Variants in FAM110B observed in about 807,000 individuals in gnomAD.
FAM110B encodes family with sequence similarity 110 member B.
A neutral mutation model predicts 20.4 loss-of-function variants in FAM110B; 6 were observed. The ratio of observed to expected loss-of-function variants is 0.29; its 90% CI spans 0.16 to 0.58. The LOEUF is 0.58. Among genes scored for constraint, FAM110B ranks in the 20% least tolerant of loss-of-function variants. FAM110B has a pLI of 0.90. For synonymous variants in FAM110B, 226 were observed against 214.1 expected, an observed-to-expected ratio of 1.06 and a Z score of -0.49; for missense variants, 434 against 498.2, an observed-to-expected ratio of 0.87 and a Z score of 1.23.
intron 1 of FAM110B, among the ~76,000 whole-genome samples, chr8:58,007,960 G>A (rs1218264125): frequency 6.6e-6 from 1 of 152,150 alleles, no homozygotes; most frequent in Non-Finnish European, 1.5e-5. Flanking sequence ...CAAAATTCCT[G>A]TAAGATATAT....
At position 58,147,082 on chromosome 8, in the gene FAM110B, C is replaced by T; in HGVS notation, c.852C>T (p.Asp284=). 1 of 1,614,142 alleles carries T rather than the reference C, an allele frequency of 6.2e-7. No homozygotes were observed. Among genetic ancestry groups the T allele is most frequent in the Non-Finnish European group, 8.5e-7 (1 of 1,180,016 alleles). ...GGTTCTTCAACTACTGTGGACTGGA[C>T]CCGGAAGAGCTGGAAAACCTGGGAA... The part of the protein sequence containing the change: ...VERFFNYCGL[D]PEELENLGME... Residue 284 remains aspartate, a synonymous_variant, in exon 4 of 4, where the codon GAC becomes GAT. Coordinates refer to ENST00000519262, the MANE Select transcript of FAM110B (RefSeq NM_001377989.1).
chr8:58,095,558 T>C (rs1035286704), intron 3 of FAM110B, among the ~76,000 whole-genome samples: 2 of 152,240 alleles, frequency 1.3e-5, no homozygotes, highest in African/African-American at 4.8e-5. Context: ...TTTGAGTGAG[T>C]TTCTTAATCC....
At chr8:58,074,209 C>A (rs987986587) in intron 2 of FAM110B, among the ~76,000 whole-genome samples, 4 of 152,166 alleles carry the variant, frequency 2.6e-5, no homozygotes, top group Admixed American at 2.6e-4. Context: ...TCTCTTAACT[C>A]TAACTCTGGT....
At chr8:58,035,510 G>A (rs1306901656) in intron 2 of FAM110B, among the ~76,000 whole-genome samples, 1 of 152,220 alleles carries the variant, frequency 6.6e-6, no homozygotes, top group African/African-American at 2.4e-5. Flanking sequence ...AAAGAAAAGA[G>A]TATGCATAAT....
intron 1 of FAM110B, among the ~76,000 whole-genome samples, chr8:58,027,550 A>G (rs1804877767): frequency 6.6e-6 from 1 of 152,162 alleles, no homozygotes; most frequent in African/African-American, 2.4e-5. Flanking sequence ...CAATCTTGAA[A>G]TAGAACATCT....
chr8:58,146,084 T>C lies in FAM110B; in HGVS notation c.-147T>C. 1 of 889,302 alleles carries C rather than the reference T, an allele frequency of 1.1e-6. No individual in the cohort carries two copies. Among genetic ancestry groups the C allele is most frequent in the Non-Finnish European group, 1.7e-6 (1 of 595,182 alleles). 55.1% of individuals were successfully genotyped at this position (889,302 alleles called of 1,614,324 possible). On this transcript the variant is annotated 5_prime_UTR_variant, in exon 4 of 4. An upstream start codon of the reference 5' UTR is lost. Transcript: ENST00000519262. ...CCGTGGCGGTTAATGAGCTGTGAGA[T>C]GAGGCGCTGCTGCGGCCGCTGCTGC...
At chr8:57,995,030 G>T (rs1804152644) in intron 1 of FAM110B, among the ~76,000 whole-genome samples, 1 of 152,070 alleles carries the variant, frequency 6.6e-6, no homozygotes, top group African/African-American at 2.4e-5. Flanking sequence ...TTTCTGGGCT[G>T]CCGGGGGAGG....
chr8:58,019,485 A>G (rs1018391851), intron 1 of FAM110B, among the ~76,000 whole-genome samples: 2 of 151,838 alleles, frequency 1.3e-5, no homozygotes, highest in African/African-American at 4.8e-5. Context: ...TCCATTTGGT[A>G]TTATTTCCCT....
intron 3 of FAM110B, among the ~76,000 whole-genome samples, chr8:58,130,533 T>G (rs1803427939): frequency 6.6e-6 from 1 of 152,172 alleles, no homozygotes; most frequent in South Asian, 2.1e-4. Context: ...TAAAATCTCC[T>G]CCATCTCTAC....
chr8:57,995,033 G>C (rs964183265), intron 1 of FAM110B, among the ~76,000 whole-genome samples: 1 of 152,088 alleles, frequency 6.6e-6, no homozygotes, highest in African/African-American at 2.4e-5. Context: ...CTGGGCTGCC[G>C]GGGGAGGCGC....
chr8:58,034,696 T>TA (rs1006713487), intron 2 of FAM110B, among the ~76,000 whole-genome samples: 1 of 152,194 alleles, frequency 6.6e-6, no homozygotes, highest in African/African-American at 2.4e-5. Flanking sequence ...GTGTTTAAGG[T>TA]ATGTTAGTAG....
At chr8:58,067,321 AG>A (rs1383204442) in intron 2 of FAM110B, among the ~76,000 whole-genome samples, 1 of 152,232 alleles carries the variant, frequency 6.6e-6, no homozygotes, top group Non-Finnish European at 1.5e-5. Flanking sequence ...TCTGTGAGCC[AG>A]GAAGAGTAGA....
intron 1 of FAM110B, among the ~76,000 whole-genome samples, chr8:58,016,550 G>A (rs866930302): frequency 1.1e-4 from 17 of 152,192 alleles, no homozygotes; most frequent in African/African-American, 3.1e-4. Context: ...CTATCCTGGC[G>A]CTGCTTGGTT....
intron 2 of FAM110B, among the ~76,000 whole-genome samples, chr8:58,072,140 C>T (rs1029219253): frequency 1.3e-5 from 2 of 152,112 alleles, no homozygotes; most frequent in African/African-American, 4.8e-5. Context: ...CTCTGTGTGT[C>T]TCTCTATCTC....
intron 1 of FAM110B, among the ~76,000 whole-genome samples, chr8:58,028,125 T>C (rs966279723): frequency 1.3e-5 from 2 of 152,216 alleles, no homozygotes; most frequent in African/African-American, 4.8e-5. Context: ...CTTTTCGAGA[T>C]GGAGTTTTGC....
rs181447790 is a variant in FAM110B at position 58,041,184 on chromosome 8, C to T, written c.-414+9481C>T. 6.2e-3 allele frequency among the ~76,000 whole-genome samples: 937 copies of T among 152,050 alleles called. 12 individuals are homozygous for T. The highest frequency in any genetic ancestry group is 0.021 in the African/African-American group (861 of 41,502). On this transcript the variant is annotated intron_variant, in intron 2 of 3. Coordinates refer to ENST00000519262, the MANE Select transcript of FAM110B (RefSeq NM_001377989.1). ...TTGAACTCCTGACCTCAGATGATCCCCCACCTCAGCCTCCCAAAGTGCTGG... is the reference window on the plus strand; with the variant it reads ...TTGAACTCCTGACCTCAGATGATCCTCCACCTCAGCCTCCCAAAGTGCTGG...
At chr8:58,119,346 A>G (rs941925065) in intron 3 of FAM110B, among the ~76,000 whole-genome samples, 2 of 152,236 alleles carry the variant, frequency 1.3e-5, no homozygotes, top group African/African-American at 4.8e-5. Flanking sequence ...GTCCCCACAG[A>G]TGGTGACTTC....
intron 3 of FAM110B, among the ~76,000 whole-genome samples, chr8:58,085,707 C>T (rs1022456841): frequency 1.3e-5 from 2 of 152,182 alleles, no homozygotes; most frequent in African/African-American, 2.4e-5. Context: ...TCACTTTCTT[C>T]TCCACCAGAT....
At chr8:58,005,751 C>T (rs1804390738) in intron 1 of FAM110B, among the ~76,000 whole-genome samples, 1 of 152,178 alleles carries the variant, frequency 6.6e-6, no homozygotes, top group Non-Finnish European at 1.5e-5. Context: ...GAATTATCCC[C>T]AACAAAACTT....
Sources: allele counts gnomAD v4.1 joint callset (sites outside exome capture counted in the v4.1 genomes callset), GRCh38; gene constraint gnomAD v4.1.1; transcripts MANE v1.5; gene names NCBI Gene and HGNC (gene_info 2026-07-23, HGNC 2026-07-21).